DDAH1: variants seen among roughly 807,000 people sequenced by gnomAD.
DDAH1 encodes N(G),N(G)-dimethylarginine dimethylaminohydrolase 1.
Under a neutral mutation model 28.8 loss-of-function variants are expected in DDAH1, and 19 were observed. The ratio of observed to expected loss-of-function variants is 0.66; its 90% CI spans 0.46 to 0.97. The LOEUF (loss-of-function observed/expected upper bound fraction) is 0.97. DDAH1 is among the 50% of genes least tolerant of loss of function. The probability of loss-of-function intolerance (pLI) is 0.00; values close to 1 mark genes in which losing one functional copy is unlikely to be tolerated. For missense variants in DDAH1, 326 were observed against 375.9 expected, an observed-to-expected ratio of 0.87 and a Z score of 1.10; for synonymous variants, 153 against 154.4, an observed-to-expected ratio of 0.99 and a Z score of 0.07.
At chr1:85,371,078 G>T (rs1362015356) in intron 1 of DDAH1, among the ~76,000 whole-genome samples, 3 of 152,186 alleles carry the variant, frequency 2.0e-5, no homozygotes, top group African/African-American at 7.2e-5. Context: ...AGGAGACATT[G>T]CTCATTCATT....
In DDAH1 at chr1:85,320,145, G is replaced by A. The variant is rs1661263380; in HGVS notation, c.*1307C>T. On this transcript the variant is annotated 3_prime_UTR_variant, in exon 6 of 6. Transcript: ENST00000284031. Reference sequence around the variant, plus strand: ...AATAGGCTGATTCCTGCAGGTTTGAGTAAAGGAATCATCTCTTCCTTCAGT... The same window carrying A: ...AATAGGCTGATTCCTGCAGGTTTGAATAAAGGAATCATCTCTTCCTTCAGT... The A allele has an allele frequency of 6.6e-6, 1 of 152,424 alleles. No homozygotes were observed. The highest frequency in any genetic ancestry group is 2.4e-5 in the African/African-American group (1 of 41,452). The allele number at this position is 152,424 out of a possible 1,614,324, so 9.4% of individuals were successfully genotyped here.
chr1:85,356,267 C>A (rs1649483962), intron 2 of DDAH1, among the ~76,000 whole-genome samples: 1 of 152,146 alleles, frequency 6.6e-6, no homozygotes, highest in Non-Finnish European at 1.5e-5. Flanking sequence ...GGTATTGAAA[C>A]AATTTTTGCC....
At chr1:85,387,946 G>C (rs1164873116) in intron 1 of DDAH1, among the ~76,000 whole-genome samples, 1 of 152,174 alleles carries the variant, frequency 6.6e-6, no homozygotes, top group African/African-American at 2.4e-5. Context: ...CATGGTGAGA[G>C]AGAGGAAGCA....
At chr1:85,551,434 C>A (rs142595275) in intron 1 of DDAH1, among the ~76,000 whole-genome samples, 1 of 152,236 alleles carries the variant, frequency 6.6e-6, no homozygotes. Context: ...GCACACTTAA[C>A]CACCACTGTT....
chr1:85,344,192 T>C (rs1648688596), intron 4 of DDAH1, among the ~76,000 whole-genome samples: 1 of 152,210 alleles, frequency 6.6e-6, no homozygotes, highest in African/African-American at 2.4e-5. Context: ...TCTTACCACG[T>C]CCTTGTAGTA....
At chr1:85,407,717 C>A (rs1396071951) in intron 1 of DDAH1, among the ~76,000 whole-genome samples, 2 of 152,056 alleles carry the variant, frequency 1.3e-5, no homozygotes, top group African/African-American at 4.8e-5. Flanking sequence ...GTAATATTGA[C>A]CCAAGGGTTA....
chr1:85,414,635 C>G (rs1652804834), intron 1 of DDAH1, among the ~76,000 whole-genome samples: 1 of 152,178 alleles, frequency 6.6e-6, no homozygotes, highest in Non-Finnish European at 1.5e-5. Flanking sequence ...CTTCCACTTT[C>G]TAAGAAATGG....
chr1:85,417,474 TC>T (rs1652936328), intron 1 of DDAH1, among the ~76,000 whole-genome samples: 1 of 152,182 alleles, frequency 6.6e-6, no homozygotes, highest in Admixed American at 6.5e-5. Flanking sequence ...ACAGGTCCCT[TC>T]CTGAGGGCAG....
chr1:85,389,939 A>G (rs10489513), intron 1 of DDAH1, among the ~76,000 whole-genome samples: 56,873 of 152,136 alleles, frequency 0.37, 10,706 homozygotes, highest in South Asian at 0.43. Flanking sequence ...AAAAGAATGC[A>G]TAATCCAAGT....
chr1:85,470,875 A>G (rs1655593850), intron 2 of DDAH1, among the ~76,000 whole-genome samples: 1 of 152,214 alleles, frequency 6.6e-6, no homozygotes, highest in Non-Finnish European at 1.5e-5. Context: ...TACAGTATGT[A>G]TGGTAGAGGA....
At position 85,464,054 on chromosome 1, in the gene DDAH1, T is replaced by C. The variant is rs542176853; in HGVS notation, c.303+689A>G. On this transcript the variant is annotated intron_variant, in intron 1 of 5. Transcript: ENST00000284031. This position sits in a 1 kb window ranked among gnomAD's most constrained non-coding sequence, Gnocchi z 4.4. ...AATTATGGAATTTGTGAAACAACCA[T>C]CTCTAATTAAACACGCTCGCTAGCA... 2.6e-5 allele frequency among the ~76,000 whole-genome samples: 4 copies of C among 152,258 alleles called. No homozygotes were observed. The highest frequency in any genetic ancestry group is 9.6e-5 in the African/African-American group (4 of 41,546).
At chr1:85,440,070 C>G (rs1324871017) in intron 1 of DDAH1, among the ~76,000 whole-genome samples, 1 of 152,044 alleles carries the variant, frequency 6.6e-6, no homozygotes, top group East Asian at 1.9e-4. Flanking sequence ...CTGACATGGG[C>G]TTTAAAAGCC....
chr1:85,352,541 T>TA (rs1488839111), intron 2 of DDAH1, among the ~76,000 whole-genome samples: 4 of 152,198 alleles, frequency 2.6e-5, no homozygotes, highest in Non-Finnish European at 5.9e-5. Context: ...AGGGGCTCCT[T>TA]ACAGTTTTAT....
chr1:85,410,843 T>C (rs932951143), intron 1 of DDAH1, among the ~76,000 whole-genome samples: 3 of 152,360 alleles, frequency 2.0e-5, no homozygotes, highest in East Asian at 1.9e-4. Flanking sequence ...CCTGCTAGAA[T>C]GCCAAAGTAT....
chr1:85,440,621 T>C (rs1010248642), intron 1 of DDAH1, among the ~76,000 whole-genome samples: 8 of 152,376 alleles, frequency 5.3e-5, no homozygotes, highest in African/African-American at 1.9e-4. Context: ...TAACTTTTCA[T>C]GGGTCAGAAA....
At chr1:85,426,865 T>C (rs1012081854) in intron 1 of DDAH1, among the ~76,000 whole-genome samples, 1 of 141,856 alleles carries the variant, frequency 7.0e-6, no homozygotes, top group African/African-American at 2.7e-5. Context: ...TGAGCCATAA[T>C]GTGCCACTGC....
At chr1:85,478,136 GAT>G (rs1655865020) in intron 2 of DDAH1, among the ~76,000 whole-genome samples, 1 of 152,110 alleles carries the variant, frequency 6.6e-6, no homozygotes, top group Non-Finnish European at 1.5e-5. Flanking sequence ...AATGCTGACA[GAT>G]AAATCATTTT....
rs140111567 is a variant in DDAH1 at position 85,445,015 on chromosome 1, G to A, written c.303+19728C>T. On this transcript the variant is annotated intron_variant, in intron 1 of 5. Coordinates refer to ENST00000284031, the MANE Select transcript of DDAH1 (RefSeq NM_012137.4). ...CCAATGTTCTAGGGCAGGAAGCATC[G>A]CGCACAGGAGAAAGATGTAGGCTGG... 4.1e-3 allele frequency among the ~76,000 whole-genome samples: 622 copies of A among 152,216 alleles called. 2 individuals are homozygous for A. The highest frequency in any genetic ancestry group is 0.014 in the African/African-American group (586 of 41,524).
At chr1:85,369,028 G>A (rs11805144) in intron 1 of DDAH1, among the ~76,000 whole-genome samples, 4,730 of 148,872 alleles carry the variant, frequency 0.032, 253 homozygotes, top group African/African-American at 0.11. Context: ...GATTCCTTCT[G>A]TGTGCTCCCA....
Sources: gnomAD v4.1 joint callset for allele counts (sites outside exome capture counted in the v4.1 genomes callset) on GRCh38, gnomAD v4.1.1 for gene constraint, Gnocchi (gnomAD v3.1) non-coding constraint, MANE v1.5 for transcripts, NCBI Gene and HGNC (gene_info 2026-07-23, HGNC 2026-07-21) for gene names.